Variants in KCNT2 observed in about 807,000 individuals in gnomAD.
KCNT2 encodes the protein potassium sodium-activated channel subfamily T member 2, also known as potassium channel subfamily T member 2.
KCNT2 carries 67 observed loss-of-function variants against 153.8 expected under a neutral mutation model. The observed-to-expected ratio is 0.44, with a 90% CI of 0.36 to 0.53. The LOEUF (loss-of-function observed/expected upper bound fraction) is 0.53, where lower values mean the gene tolerates loss of function less well. Among genes scored for constraint, KCNT2 ranks in the 20% least tolerant of loss-of-function variants. The probability of loss-of-function intolerance (pLI) is 0.00; values close to 1 mark genes in which losing one functional copy is unlikely to be tolerated. For missense variants in KCNT2, 975 were observed against 1,354.8 expected (o/e 0.72, Z 4.40); for synonymous variants, 500 against 458.8 (o/e 1.09, Z -1.15).
intron 11 of KCNT2, among the ~76,000 whole-genome samples, chr1:196,423,800 C>T (rs930823915): frequency 2.6e-5 from 4 of 151,114 alleles, no homozygotes; most frequent in African/African-American, 9.7e-5. Flanking sequence ...CCAAACCAAA[C>T]AGTTCTGGGA....
chr1:196,583,332 C>A (rs1662290945), intron 1 of KCNT2, among the ~76,000 whole-genome samples: 1 of 151,898 alleles, frequency 6.6e-6, no homozygotes, highest in African/African-American at 2.4e-5. Context: ...ACAAAAAATA[C>A]CAGAGGGTAA....
In KCNT2 at chr1:196,574,501, C is replaced by T. The variant is rs148571514; in HGVS notation, c.95+33714G>A. Among the ~76,000 whole-genome samples the T allele has an allele frequency of 2.0e-4, 31 of 151,808 alleles. No homozygotes were observed. In the East Asian group the frequency reaches 5.8e-3, roughly 29 times the overall value. On this transcript the variant is annotated intron_variant, in intron 1 of 27. Transcript: ENST00000294725. ...CTAAAAAACTTGGAATCCAGGTTTG[C>T]TCTCATGCATTTCATTACTTTTTAC... is the stretch of plus-strand genomic sequence containing the variant.
intron 12 of KCNT2, among the ~76,000 whole-genome samples, chr1:196,420,733 C>T (rs1673130432): frequency 6.6e-6 from 1 of 151,978 alleles, no homozygotes; most frequent in Non-Finnish European, 1.5e-5. Context: ...GGCTGTAATG[C>T]TTCTCAGAGT....
Position 196,593,311 on chromosome 1 carries a change from T to TATATACAC in KCNT2, c.95+14903_95+14904insGTGTATAT, listed in dbSNP as rs1256165838. On this transcript the variant is annotated intron_variant, in intron 1 of 27. Coordinates refer to ENST00000294725, the MANE Select transcript of KCNT2 (RefSeq NM_198503.5). ...CATATATATAATATATATATATATA[T>TATATACAC]ACACACACACACACACACACACACA... Among the ~76,000 whole-genome samples, 260 of 140,196 alleles carry TATATACAC rather than the reference T, an allele frequency of 1.9e-3. 3 individuals are homozygous for TATATACAC. Among genetic ancestry groups the TATATACAC allele is most frequent in the African/African-American group, 6.7e-3 (241 of 35,730 alleles). 92.0% of individuals were successfully genotyped at this position (140,196 alleles called of 152,430 possible). A position where few individuals can be genotyped will look rare whatever the true frequency, so the allele number is the denominator to read the frequency against.
chr1:196,539,301 C>T lies in KCNT2; in HGVS notation c.96-46960G>A, dbSNP rs575625761. On this transcript the variant is annotated intron_variant, in intron 1 of 27. Transcript: ENST00000294725. ...AATATTTGAGTACTTCATGTGTGTT[C>T]GCATTGCATGGGCTGCTGGGAATAC... Among the ~76,000 whole-genome samples the T allele has an allele frequency of 5.3e-5, 8 of 152,174 alleles. 1 individual carries two copies. The highest frequency in any genetic ancestry group is 3.9e-4 in the East Asian group (2 of 5,178).
intron 1 of KCNT2, among the ~76,000 whole-genome samples, chr1:196,592,837 ATTT>A (rs1040233689): frequency 6.7e-6 from 1 of 149,058 alleles, no homozygotes; most frequent in African/African-American, 2.4e-5. Context: ...ATGTATTTTA[ATTT>A]TTTATTTCTA....
chr1:196,401,400 T>C (rs1236488226), intron 12 of KCNT2, among the ~76,000 whole-genome samples: 8 of 151,790 alleles, frequency 5.3e-5, no homozygotes, highest in Non-Finnish European at 7.4e-5. Flanking sequence ...CAGTCTGAGA[T>C]GTTAGAATTA....
At chr1:196,453,921 T>C (rs2148628389) in intron 8 of KCNT2, among the ~76,000 whole-genome samples, 1 of 152,180 alleles carries the variant, frequency 6.6e-6, no homozygotes, top group South Asian at 2.1e-4. Flanking sequence ...GAAATGGATT[T>C]AGTTTCTCAA....
intron 27 of KCNT2, among the ~76,000 whole-genome samples, chr1:196,234,004 T>A (rs1032039284): frequency 2.0e-5 from 3 of 151,374 alleles, no homozygotes; most frequent in Admixed American, 6.6e-5. Flanking sequence ...GTAGGGCAAC[T>A]ATGCTTAACA....
At chr1:196,491,015 T>C (rs186236005) in intron 2 of KCNT2, among the ~76,000 whole-genome samples, 2 of 152,070 alleles carry the variant, frequency 1.3e-5, no homozygotes, top group African/African-American at 4.8e-5. Flanking sequence ...AAATGCTGAA[T>C]ACATTTTATG....
intron 1 of KCNT2, among the ~76,000 whole-genome samples, chr1:196,585,697 G>A (rs1254694868): frequency 1.3e-5 from 2 of 151,842 alleles, no homozygotes; most frequent in Admixed American, 6.6e-5. Context: ...TTTTTTTCTT[G>A]TAATCAAAAA....
intron 24 of KCNT2, among the ~76,000 whole-genome samples, chr1:196,281,224 A>G (rs1659062855): frequency 6.6e-6 from 1 of 152,160 alleles, no homozygotes; most frequent in African/African-American, 2.4e-5. Flanking sequence ...TCCAAGTAAT[A>G]TTTCATGCTT....
At position 196,349,688 on chromosome 1, in the gene KCNT2, A is replaced by G. The variant is rs544586057; in HGVS notation, c.1404-7460T>C. Among the ~76,000 whole-genome samples, 53 of 151,232 alleles carry G rather than the reference A, an allele frequency of 3.5e-4. No individual in the cohort carries two copies. The East Asian group carries it at 8.4e-3, about 24-fold the overall frequency. On this transcript the variant is annotated intron_variant, in intron 14 of 27. Coordinates refer to ENST00000294725, the MANE Select transcript of KCNT2 (RefSeq NM_198503.5). ...TCAAACCTTTTTATTTTATTTTTTT[A>G]TTATTTTTTATTCTTTTATTTTTTT...
At chr1:196,551,199 G>A (rs1187237877) in intron 1 of KCNT2, among the ~76,000 whole-genome samples, 4 of 151,794 alleles carry the variant, frequency 2.6e-5, no homozygotes, top group Non-Finnish European at 4.4e-5. Flanking sequence ...CATTAAATAT[G>A]TCTTAAATCT....
intron 1 of KCNT2, among the ~76,000 whole-genome samples, chr1:196,534,553 C>T (rs1016287834): frequency 1.3e-5 from 2 of 151,970 alleles, no homozygotes; most frequent in South Asian, 2.1e-4. Flanking sequence ...AGAAAGCTGT[C>T]GTGAACTAAT....
chr1:196,516,159 A>G (rs1358686021), intron 1 of KCNT2, among the ~76,000 whole-genome samples: 1 of 152,124 alleles, frequency 6.6e-6, no homozygotes, highest in Non-Finnish European at 1.5e-5. Flanking sequence ...ACCTCCCAGG[A>G]TAAGACCCAC....
intron 14 of KCNT2, among the ~76,000 whole-genome samples, chr1:196,342,720 A>T (rs950923820): frequency 6.6e-6 from 1 of 151,986 alleles, no homozygotes; most frequent in African/African-American, 2.4e-5. Context: ...ATCTCAATTT[A>T]TCTTTGATTT....
At chr1:196,241,008 GAA>G (rs1270728921) in intron 26 of KCNT2, among the ~76,000 whole-genome samples, 1 of 151,812 alleles carries the variant, frequency 6.6e-6, no homozygotes, top group Non-Finnish European at 1.5e-5. Context: ...AAGGGGCGAG[GAA>G]GAGAGATAGA....
chr1:196,537,127 C>T (rs1655691626), intron 1 of KCNT2, among the ~76,000 whole-genome samples: 1 of 152,166 alleles, frequency 6.6e-6, no homozygotes, highest in Admixed American at 6.5e-5. Context: ...GAATAGCCCA[C>T]TTGGCTGCTA....
Sources: gnomAD v4.1 joint callset for allele counts (sites outside exome capture counted in the v4.1 genomes callset) on GRCh38, gnomAD v4.1.1 for gene constraint, MANE v1.5 for transcripts, NCBI Gene and HGNC (gene_info 2026-07-23, HGNC 2026-07-21) for gene names.